TOM1L2: variants seen among roughly 807,000 people sequenced by gnomAD.
The protein encoded by TOM1L2 is TOM1-like protein 2.
TOM1L2 carries 31 observed loss-of-function variants against 67.9 expected under a neutral mutation model. The observed-to-expected ratio is 0.46, with a 90% CI of 0.34 to 0.62. The LOEUF (loss-of-function observed/expected upper bound fraction) is 0.62. Among genes scored for constraint, TOM1L2 ranks in the 20% least tolerant of loss-of-function variants. TOM1L2 has a pLI of 0.01. For missense variants in TOM1L2, 606 were observed against 663.5 expected, an observed-to-expected ratio of 0.91 and a Z score of 0.95; for synonymous variants, 256 against 254.0, an observed-to-expected ratio of 1.01 and a Z score of -0.07.
intron 1 of TOM1L2, among the ~76,000 whole-genome samples, chr17:17,943,764 G>A (rs113799152): frequency 2.6e-4 from 39 of 152,228 alleles, no homozygotes; most frequent in African/African-American, 9.2e-4. Flanking sequence ...CTTCAGATAA[G>A]GTCTACACTC....
chr17:17,942,987 T>C (rs1302895870), intron 1 of TOM1L2, among the ~76,000 whole-genome samples: 1 of 152,178 alleles, frequency 6.6e-6, no homozygotes, highest in Non-Finnish European at 1.5e-5. Flanking sequence ...TAAAGTAATA[T>C]GATGCCTGGA....
intron 1 of TOM1L2, among the ~76,000 whole-genome samples, chr17:17,959,600 A>C (rs1198824599): frequency 6.6e-6 from 1 of 152,164 alleles, no homozygotes; most frequent in East Asian, 1.9e-4. Context: ...AAGCAACATC[A>C]TTTCTCAGGC....
At chr17:17,919,838 C>T (rs2039780057) in intron 1 of TOM1L2, among the ~76,000 whole-genome samples, 1 of 152,172 alleles carries the variant, frequency 6.6e-6, no homozygotes, top group Non-Finnish European at 1.5e-5. Flanking sequence ...CAGACATTAC[C>T]TCATTTAACC....
intron 12 of TOM1L2, among the ~76,000 whole-genome samples, chr17:17,852,965 C>A (rs1472474050): frequency 1.3e-5 from 2 of 151,600 alleles, no homozygotes; most frequent in African/African-American, 4.9e-5. Flanking sequence ...GCATGTGGGT[C>A]CTCACTGGGG....
intron 4 of TOM1L2, among the ~76,000 whole-genome samples, chr17:17,887,025 G>A (rs2038034058): frequency 6.6e-6 from 1 of 152,246 alleles, no homozygotes; most frequent in African/African-American, 2.4e-5. Flanking sequence ...CAGCTAGAGT[G>A]CTCGGAGGTG....
intron 1 of TOM1L2, among the ~76,000 whole-genome samples, chr17:17,969,714 A>G (rs1255804227): frequency 1.3e-5 from 2 of 152,196 alleles, no homozygotes; most frequent in Non-Finnish European, 2.9e-5. Context: ...TCCTCTCCAG[A>G]TAGAAAATCC....
rs1377410571 is a variant in TOM1L2, at chr17:17,866,250, A to C, written c.1084+46T>G. 9.6e-6 allele frequency: 15 copies of C among 1,563,982 alleles called. 1 individual carries two copies. In the South Asian group the frequency reaches 1.7e-4, roughly 17 times the overall value. On this transcript the variant is annotated intron_variant, in intron 10 of 14. Coordinates refer to ENST00000379504, the MANE Select transcript of TOM1L2 (RefSeq NM_001082968.2). Reference sequence around the variant, plus strand: ...AGAGAGGTGGCCTGCAAGGGAGGCCAGTGGTAGGAAGTAGGTAGGCCCTTT... The same window carrying C: ...AGAGAGGTGGCCTGCAAGGGAGGCCCGTGGTAGGAAGTAGGTAGGCCCTTT...
intron 1 of TOM1L2, among the ~76,000 whole-genome samples, chr17:17,916,106 C>T (rs1282124990): frequency 1.4e-5 from 2 of 142,896 alleles, no homozygotes; most frequent in Admixed American, 7.3e-5. Flanking sequence ...TGGAGTCTTG[C>T]GCTGTCACCC....
At position 17,877,044 on chromosome 17, in the gene TOM1L2, C is replaced by T. The variant is rs116652573; in HGVS notation, c.777+2583G>A. 8.1e-3 allele frequency among the ~76,000 whole-genome samples: 1,228 copies of T among 152,360 alleles called. 21 individuals are homozygous for T. The highest frequency in any genetic ancestry group is 0.027 in the African/African-American group (1,132 of 41,592). Reference sequence around the variant, plus strand: ...GCACCCTTCCTTCCTTCTCCTCAGGCGCTCCAGCTACGCTGACAGCACAGG... The same window carrying T: ...GCACCCTTCCTTCCTTCTCCTCAGGTGCTCCAGCTACGCTGACAGCACAGG... On this transcript the variant is annotated intron_variant, in intron 7 of 14. Coordinates refer to ENST00000379504, the MANE Select transcript of TOM1L2 (RefSeq NM_001082968.2).
chr17:17,870,747 A>G (rs2037107335), intron 7 of TOM1L2, among the ~76,000 whole-genome samples: 1 of 152,174 alleles, frequency 6.6e-6, no homozygotes, highest in African/African-American at 2.4e-5. Flanking sequence ...TTCCTACCAC[A>G]TCATAAACTC....
intron 2 of TOM1L2, among the ~76,000 whole-genome samples, chr17:17,905,887 T>C (rs1270186997): frequency 1.3e-5 from 2 of 152,124 alleles, no homozygotes; most frequent in African/African-American, 4.8e-5. Context: ...GTCCCCAGTA[T>C]GTCGGTAACT....
intron 1 of TOM1L2, among the ~76,000 whole-genome samples, chr17:17,921,169 G>A (rs765794422): frequency 2.1e-4 from 32 of 152,198 alleles, no homozygotes; most frequent in Non-Finnish European, 3.5e-4. Context: ...TTATTCTCCT[G>A]TCTGGAGAGC....
At chr17:17,911,768 G>A (rs1233855613) in intron 1 of TOM1L2, among the ~76,000 whole-genome samples, 2 of 149,016 alleles carry the variant, frequency 1.3e-5, no homozygotes, top group Non-Finnish European at 3.0e-5. Flanking sequence ...AGTGAACAAA[G>A]GTCTCTGGTT....
At chr17:17,921,728 G>A (rs1357949951) in intron 1 of TOM1L2, among the ~76,000 whole-genome samples, 2 of 129,006 alleles carry the variant, frequency 1.6e-5, no homozygotes, top group African/African-American at 2.8e-5. Flanking sequence ...GCTTAAAGCA[G>A]AGCAGATAAG....
At chr17:17,896,935 C>T (rs902905774) in intron 3 of TOM1L2, among the ~76,000 whole-genome samples, 9 of 152,136 alleles carry the variant, frequency 5.9e-5, no homozygotes, top group Non-Finnish European at 1.2e-4. Context: ...ATGCAAAGCG[C>T]GCTAGGATGG....
chr17:17,913,175 T>TGG (rs1229612672), intron 1 of TOM1L2, among the ~76,000 whole-genome samples: 2 of 90,012 alleles, frequency 2.2e-5, no homozygotes, highest in Admixed American at 2.8e-4. Context: ...AGGGAGACCG[T>TGG]GGAAACAGAG....
intron 4 of TOM1L2, among the ~76,000 whole-genome samples, chr17:17,887,069 T>C (rs2038037403): frequency 6.6e-6 from 1 of 152,252 alleles, no homozygotes; most frequent in Non-Finnish European, 1.5e-5. Context: ...AAGGCCTTCC[T>C]GATATTTTCT....
At chr17:17,923,011 T>G (rs1015261941) in intron 1 of TOM1L2, among the ~76,000 whole-genome samples, 4 of 152,094 alleles carry the variant, frequency 2.6e-5, no homozygotes, top group African/African-American at 4.8e-5. Context: ...GGAACAAGGC[T>G]ATAAAAAGGC....
At chr17:17,952,748 C>T (rs1205127838) in intron 1 of TOM1L2, among the ~76,000 whole-genome samples, 1 of 152,070 alleles carries the variant, frequency 6.6e-6, no homozygotes, top group Non-Finnish European at 1.5e-5. Context: ...GTCCCATTCA[C>T]TGAAGGGCAA....
Sources: gnomAD v4.1 joint callset for allele counts (sites outside exome capture counted in the v4.1 genomes callset) on GRCh38, gnomAD v4.1.1 for gene constraint, MANE v1.5 for transcripts, NCBI Gene and HGNC (gene_info 2026-07-23, HGNC 2026-07-21) for gene names.